LMO7: variants seen among roughly 807,000 people sequenced by gnomAD.
LMO7 encodes the protein LIM domain 7.
Under a neutral mutation model 206.5 loss-of-function variants are expected in LMO7, and 120 were observed. That is an observed-to-expected ratio of 0.58 (90% CI 0.50 to 0.68). The LOEUF is 0.68. Ranked by LOEUF, LMO7 falls within the 30% of genes least tolerant of loss-of-function variation. The pLI, the probability that LMO7 is intolerant of heterozygous loss-of-function variation, is 0.00. For synonymous variants in LMO7, 706 were observed against 681.5 expected (o/e 1.04, Z -0.56); for missense variants, 1,959 against 1,957.9 (o/e 1.00, Z -0.01).
At chr13:75,625,427 ATG>A (rs59334649) in intron 2 of LMO7, among the ~76,000 whole-genome samples, 1,250 of 103,650 alleles carry the variant, frequency 0.012, 24 homozygotes, top group African/African-American at 0.045. Context: ...GTGTGTGTGC[ATG>A]TGTGTGTGTG....
chr13:75,831,149 A>G (rs2058631022), intron 15 of LMO7, among the ~76,000 whole-genome samples: 1 of 152,172 alleles, frequency 6.6e-6, no homozygotes, highest in Admixed American at 6.6e-5. Flanking sequence ...ATTGGCATTC[A>G]TCAGGTGATT....
At chr13:75,693,756 G>A (rs2041681540) in intron 1 of LMO7, among the ~76,000 whole-genome samples, 1 of 152,164 alleles carries the variant, frequency 6.6e-6, no homozygotes, top group Admixed American at 6.5e-5. Context: ...GTTTCTGCAT[G>A]TGGCCGAGGA....
intron 18 of LMO7, among the ~76,000 whole-genome samples, chr13:75,835,543 G>A (rs1272053568): frequency 6.6e-6 from 1 of 152,190 alleles, no homozygotes; most frequent in Non-Finnish European, 1.5e-5. Flanking sequence ...GTAGTTGTGA[G>A]TTATATAATG....
intron 9 of LMO7, 43 bp downstream of exon 9, chr13:75,805,803 G>A: frequency 2.5e-6 from 4 of 1,589,414 alleles, no homozygotes; most frequent in Non-Finnish European, 3.4e-6. Flanking sequence ...TGTTCATTCA[G>A]TACCCCAGCT....
chr13:75,636,236 G>A, upstream of LMO7: 1 of 970,470 alleles, frequency 1.0e-6, no homozygotes, highest in Non-Finnish European at 1.2e-6. Context: ...GCAGACGGAA[G>A]CGGCGACTCG....
chr13:75,636,426 C>T lies in LMO7; in HGVS notation c.-232C>T, dbSNP rs2035859565. On this transcript the variant is annotated 5_prime_UTR_variant, in exon 1 of 31. Transcript: ENST00000377534. ...GCCCGGGTCCCCGCGGGCCTTGGGT[C>T]GCTTTCAGGAGTTTAGAGAAAGCCA... 9 of 1,363,800 alleles carry T rather than the reference C, an allele frequency of 6.6e-6. No homozygotes were observed. The highest frequency in any genetic ancestry group is 7.5e-6 in the Non-Finnish European group (8 of 1,061,246). 84.5% of individuals were successfully genotyped at this position (1,363,800 alleles called of 1,614,324 possible).
rs115090484 is a variant in LMO7, at chr13:75,834,302, C to T, written c.3141C>T (p.Asn1047=). The change falls in exon 17 of 31, where the codon AAC becomes AAT. Residue 1047 remains asparagine, a synonymous_variant. Transcript: ENST00000377534. ...TTAACAACACCAAGTTTTCATATAA[C>T]GATTCAAAAGAGTGGGAGGAAGCCA... ...IAINNTKFSY[N]DSKEWEEAMA... is the part of the protein sequence containing the mutation. 1,407 of 1,610,738 alleles carry T rather than the reference C, an allele frequency of 8.7e-4. 13 individuals are homozygous for T. In the African/African-American group the frequency reaches 0.017, roughly 19 times the overall value.
chr13:75,856,587 G>A lies in LMO7; in HGVS notation c.4852G>A (p.Asp1618Asn), dbSNP rs371849345. The A allele has an allele frequency of 1.0e-4, 168 of 1,607,228 alleles. No homozygotes were observed. The highest frequency in any genetic ancestry group is 3.5e-4 in the Admixed American group (21 of 59,978). The change falls in exon 30 of 31, where the codon GAC becomes AAC. Residue 1618 changes from aspartate to asparagine, a missense_variant. Physicochemically the swap from Asp to Asn is conservative, Grantham distance 23 (BLOSUM62 1). Transcript: ENST00000377534. ...RIRNHQLYCNDCYLRFKSGRP... is the reference protein window; with the variant it reads ...RIRNHQLYCNNCYLRFKSGRP... ...CAGAAACCACCAACTGTACTGCAAC[G>A]ACTGCTATCTCAGATTCAAATGTAA...
chr13:75,808,994 T>G (rs1180669845), intron 10 of LMO7, among the ~76,000 whole-genome samples, 160 bp from the exon 11 acceptor site: 2 of 152,192 alleles, frequency 1.3e-5, no homozygotes, highest in Non-Finnish European at 2.9e-5. Context: ...GATAGGAAAT[T>G]GATGAGAACT....
chr13:75,625,093 C>G (rs1213868303), intron 2 of LMO7, among the ~76,000 whole-genome samples: 1 of 152,074 alleles, frequency 6.6e-6, no homozygotes, highest in Non-Finnish European at 1.5e-5. Context: ...CTCTGAGTAC[C>G]TTTTGAATAA....
chr13:75,733,413 C>T (rs930079182), intron 3 of LMO7, among the ~76,000 whole-genome samples: 52 of 152,326 alleles, frequency 3.4e-4, no homozygotes, highest in African/African-American at 9.4e-4. Context: ...ACTCCGTGGG[C>T]GTAGGACCCT....
chr13:75,777,592 T>G (rs910489566), intron 4 of LMO7, among the ~76,000 whole-genome samples: 1 of 152,120 alleles, frequency 6.6e-6, no homozygotes, highest in African/African-American at 2.4e-5. Flanking sequence ...ATTTAATGTT[T>G]CATCACATTC....
intron 15 of LMO7, among the ~76,000 whole-genome samples, chr13:75,827,802 TA>T (rs2138687102): frequency 6.6e-6 from 1 of 152,342 alleles, no homozygotes; most frequent in African/African-American, 2.4e-5. Context: ...CCAGATTTTT[TA>T]AAGCAGTAAC....
chr13:75,783,760 G>A (rs1437447800), intron 4 of LMO7, among the ~76,000 whole-genome samples: 2 of 152,186 alleles, frequency 1.3e-5, no homozygotes, highest in Non-Finnish European at 2.9e-5. Flanking sequence ...TATGTTTACT[G>A]AGTATCTATT....
chr13:75,844,260 G>A (rs1467490715), intron 25 of LMO7, among the ~76,000 whole-genome samples: 1 of 151,900 alleles, frequency 6.6e-6, no homozygotes, highest in African/African-American at 2.4e-5. Flanking sequence ...CACAAGTGCA[G>A]CTGTCTACCA....
intron 3 of LMO7, chr13:75,760,562 G>A (rs1165108731): frequency 5.3e-6 from 7 of 1,332,558 alleles, no homozygotes; most frequent in Admixed American, 6.8e-5. Context: ...GAGGAGAGGT[G>A]AGGCTTGCCG....
At chr13:75,810,306 T>G (rs1436462182) in intron 11 of LMO7, among the ~76,000 whole-genome samples, 2 of 152,194 alleles carry the variant, frequency 1.3e-5, no homozygotes, top group Non-Finnish European at 2.9e-5. Flanking sequence ...GTATCTTCCC[T>G]TATGAGGATT....
intron 1 of LMO7, among the ~76,000 whole-genome samples, chr13:75,664,674 C>T (rs959464365): frequency 6.6e-6 from 1 of 152,206 alleles, no homozygotes; most frequent in South Asian, 2.1e-4. Flanking sequence ...CCCTTTTCTT[C>T]ACATCCTGGC....
chr13:75,707,525 A>G (rs942724458), intron 1 of LMO7, among the ~76,000 whole-genome samples: 1 of 152,088 alleles, frequency 6.6e-6, no homozygotes, highest in Non-Finnish European at 1.5e-5. Flanking sequence ...CCATGAAACA[A>G]TTCTGTTCTG....
Sources: gnomAD v4.1 joint callset for allele counts (sites outside exome capture counted in the v4.1 genomes callset) on GRCh38, gnomAD v4.1.1 for gene constraint, MANE v1.5 for transcripts, NCBI Gene and HGNC (gene_info 2026-07-23, HGNC 2026-07-21) for gene names.